CENPP: variants seen among roughly 807,000 people sequenced by gnomAD.
CENPP encodes the protein centromere protein P.
Under a neutral mutation model 35.6 loss-of-function variants are expected in CENPP, and 24 were observed. The observed-to-expected ratio is 0.67, with a 90% CI of 0.49 to 0.95. The LOEUF is 0.95. Ranked by LOEUF, CENPP falls within the 40% of genes least tolerant of loss-of-function variation. The pLI is 0.00. For synonymous variants in CENPP, 120 were observed against 125.5 expected, an observed-to-expected ratio of 0.96 and a Z score of 0.29; for missense variants, 332 against 345.3, an observed-to-expected ratio of 0.96 and a Z score of 0.31.
At chr9:92,403,290 C>G in intron 5 of CENPP, 1 of 1,610,840 alleles carries the variant, frequency 6.2e-7, no homozygotes, top group Non-Finnish European at 8.5e-7. Context: ...AATATGGATT[C>G]TTCAAAATTA....
At chr9:92,393,208 C>G in intron 5 of CENPP, 2 of 1,607,896 alleles carry the variant, frequency 1.2e-6, no homozygotes, top group Non-Finnish European at 1.7e-6. Flanking sequence ...GTATACAGAG[C>G]CACTTAAACA....
At chr9:92,543,200 C>T (rs922410968) in intron 5 of CENPP, among the ~76,000 whole-genome samples, 12 of 152,024 alleles carry the variant, frequency 7.9e-5, no homozygotes, top group African/African-American at 1.9e-4. Context: ...GTGCCAGCCT[C>T]GTGGCTCACA....
At chr9:92,571,546 T>C (rs1206283232) in intron 5 of CENPP, among the ~76,000 whole-genome samples, 1 of 152,212 alleles carries the variant, frequency 6.6e-6, no homozygotes, top group Non-Finnish European at 1.5e-5. Flanking sequence ...CTGAGAAGAA[T>C]GTATATTCTG....
At chr9:92,396,273 G>A (rs1036914594) in intron 5 of CENPP, among the ~76,000 whole-genome samples, 1 of 151,924 alleles carries the variant, frequency 6.6e-6, no homozygotes, top group Non-Finnish European at 1.5e-5. Context: ...CTTTGTAACA[G>A]TCTTGTTAGT....
chr9:92,386,818 G>C (rs1404263059), intron 5 of CENPP, among the ~76,000 whole-genome samples: 1 of 152,020 alleles, frequency 6.6e-6, no homozygotes, highest in East Asian at 1.9e-4. Flanking sequence ...TCCTGACCTC[G>C]TGATCTGCCC....
At chr9:92,335,741 CTAT>C (rs1188032740) in intron 2 of CENPP, among the ~76,000 whole-genome samples, 1 of 152,064 alleles carries the variant, frequency 6.6e-6, no homozygotes, top group Non-Finnish European at 1.5e-5. Context: ...TTCTATTGAC[CTAT>C]TTGTATACTC....
chr9:92,414,623 G>A, intron 5 of CENPP: 1 of 208,682 alleles, frequency 4.8e-6, no homozygotes, highest in Non-Finnish European at 9.7e-6. Flanking sequence ...GTGAGCTAGG[G>A]GGATGGATGT....
At chr9:92,514,551 A>G (rs1847563378) in intron 5 of CENPP, 2 of 1,502,512 alleles carry the variant, frequency 1.3e-6, no homozygotes, top group Non-Finnish European at 1.8e-6. Context: ...CTGAGATTAT[A>G]GGCGTGAGCC....
chr9:92,419,609 A>G (rs560469979), intron 5 of CENPP, among the ~76,000 whole-genome samples: 1 of 152,268 alleles, frequency 6.6e-6, no homozygotes, highest in South Asian at 2.1e-4. Context: ...TCCTTGTGTC[A>G]TATCTTGCCT....
intron 5 of CENPP, among the ~76,000 whole-genome samples, chr9:92,453,312 T>C (rs996158866): frequency 4.6e-5 from 7 of 152,182 alleles, no homozygotes; most frequent in Non-Finnish European, 1.0e-4. Flanking sequence ...TTTGTTCTCA[T>C]TGGTTTCAAA....
At position 92,555,752 on chromosome 9, in the gene CENPP, T is replaced by A. The variant is rs528445132; in HGVS notation, c.565-55562T>A. On this transcript the variant is annotated intron_variant, in intron 5 of 7. Transcript: ENST00000375587. ...GTTGTAATATCTCCTGTTTTGTTTCTTAGTGAAGTTATTTGGATTTTCTCT... is the reference window on the plus strand; with the variant it reads ...GTTGTAATATCTCCTGTTTTGTTTCATAGTGAAGTTATTTGGATTTTCTCT... Among the ~76,000 whole-genome samples the A allele has an allele frequency of 6.6e-5, 10 of 152,332 alleles. No homozygotes were observed. The South Asian group carries it at 1.2e-3, about 19-fold the overall frequency.
At chr9:92,485,628 G>A (rs925511330) in intron 5 of CENPP, among the ~76,000 whole-genome samples, 15 of 152,190 alleles carry the variant, frequency 9.9e-5, no homozygotes, top group African/African-American at 2.7e-4. Context: ...AGTGGTCAAA[G>A]TCCAAACACA....
chr9:92,491,775 ACT>A (rs1193765417), intron 5 of CENPP, among the ~76,000 whole-genome samples: 1 of 151,842 alleles, frequency 6.6e-6, no homozygotes, highest in Non-Finnish European at 1.5e-5. Context: ...GAAGGCTCTC[ACT>A]CTCTAGATTT....
At chr9:92,436,065 C>T (rs1844238879) in intron 5 of CENPP, among the ~76,000 whole-genome samples, 1 of 152,226 alleles carries the variant, frequency 6.6e-6, no homozygotes, top group Admixed American at 6.5e-5. Context: ...TCCTCACTAA[C>T]ATTTGATGTT....
chr9:92,455,438 G>A (rs1254722503), intron 5 of CENPP, among the ~76,000 whole-genome samples: 1 of 152,002 alleles, frequency 6.6e-6, no homozygotes, highest in Non-Finnish European at 1.5e-5. Flanking sequence ...AGGGGACGCA[G>A]GTGTTACTGC....
intron 4 of CENPP, among the ~76,000 whole-genome samples, chr9:92,347,863 CTA>C (rs201972274): frequency 6.6e-6 from 1 of 152,230 alleles, no homozygotes; most frequent in East Asian, 1.9e-4. Flanking sequence ...GGCATTGTTA[CTA>C]TGTTTGCCTT....
At chr9:92,346,975 G>A (rs183608875) in intron 4 of CENPP, among the ~76,000 whole-genome samples, 12 of 138,228 alleles carry the variant, frequency 8.7e-5, no homozygotes, top group Admixed American at 2.3e-4. Context: ...TGAAAACACT[G>A]AAATAAAAAT....
At chr9:92,501,182 A>G (rs1846650614) in intron 5 of CENPP, 2 of 911,786 alleles carry the variant, frequency 2.2e-6, no homozygotes, top group East Asian at 2.6e-5. Context: ...TGATGATTCC[A>G]AATAGGAACT....
intron 5 of CENPP, among the ~76,000 whole-genome samples, chr9:92,523,145 G>C (rs554837170): frequency 6.6e-6 from 1 of 151,772 alleles, no homozygotes; most frequent in African/African-American, 2.4e-5. Context: ...CAGTGGTTCA[G>C]TCATGACTCA....
Sources: allele counts gnomAD v4.1 joint callset (sites outside exome capture counted in the v4.1 genomes callset), GRCh38; gene constraint gnomAD v4.1.1; transcripts MANE v1.5; gene names NCBI Gene and HGNC (gene_info 2026-07-23, HGNC 2026-07-21).